HDAC9: variants seen among roughly 807,000 people sequenced by gnomAD.
The protein encoded by HDAC9 is histone deacetylase 9.
Under a neutral mutation model 139.4 loss-of-function variants are expected in HDAC9, and 41 were observed. The observed-to-expected ratio is 0.29, with a 90% CI of 0.23 to 0.38. The LOEUF (loss-of-function observed/expected upper bound fraction) is 0.38, where lower values mean the gene tolerates loss of function less well. HDAC9 is among the 10% of genes least tolerant of loss of function. HDAC9 has a pLI of 1.00. For missense variants in HDAC9, 1,147 were observed against 1,297.0 expected, an observed-to-expected ratio of 0.88 and a Z score of 1.78; for synonymous variants, 517 against 476.2, an observed-to-expected ratio of 1.09 and a Z score of -1.12.
At chr7:18,176,301 G>A (rs1432366400) in intron 2 of HDAC9, among the ~76,000 whole-genome samples, 7 of 152,084 alleles carry the variant, frequency 4.6e-5, no homozygotes, top group Admixed American at 1.3e-4. Context: ...CAGGAATGCC[G>A]TACAAATGGG....
intron 22 of HDAC9, among the ~76,000 whole-genome samples, chr7:18,906,233 CTCCCAGGCTCAAGTGAT>C (rs1490169416): frequency 1.3e-5 from 2 of 151,948 alleles, no homozygotes; most frequent in Non-Finnish European, 2.9e-5. Flanking sequence ...ACCTAGACGC[CTCCCAGGCTCAAGTGAT>C]TCTCCTGCCT....
At chr7:18,282,463 A>G (rs1049701967) in intron 2 of HDAC9, among the ~76,000 whole-genome samples, 6 of 152,280 alleles carry the variant, frequency 3.9e-5, no homozygotes, top group Non-Finnish European at 7.4e-5. Context: ...CTTAGGGGAA[A>G]TAGATGAGAG....
chr7:18,900,364 C>T (rs1014946372), intron 22 of HDAC9, among the ~76,000 whole-genome samples: 11 of 152,130 alleles, frequency 7.2e-5, no homozygotes, highest in Admixed American at 5.2e-4. Context: ...GCTGTGAAAA[C>T]GATGATTTAG....
At chr7:18,558,098 A>G (rs1451565837) in intron 2 of HDAC9, among the ~76,000 whole-genome samples, 1 of 152,166 alleles carries the variant, frequency 6.6e-6, no homozygotes, top group Non-Finnish European at 1.5e-5. Context: ...AGGGCTAATA[A>G]ACCAGTTATA....
chr7:18,323,928 T>C (rs1777280123), intron 1 of HDAC9, among the ~76,000 whole-genome samples: 1 of 145,162 alleles, frequency 6.9e-6, no homozygotes, highest in Non-Finnish European at 1.5e-5. Context: ...TGGCTTATGG[T>C]TGTTTTGTTT....
At chr7:18,224,404 T>C (rs891366785) in intron 2 of HDAC9, among the ~76,000 whole-genome samples, 1 of 152,194 alleles carries the variant, frequency 6.6e-6, no homozygotes, top group Non-Finnish European at 1.5e-5. Flanking sequence ...TTTAAAACCA[T>C]AGTGGTCCTT....
At chr7:18,381,744 C>A (rs1033482667) in intron 1 of HDAC9, among the ~76,000 whole-genome samples, 1 of 151,944 alleles carries the variant, frequency 6.6e-6, no homozygotes, top group African/African-American at 2.4e-5. Flanking sequence ...ACAGAGTAGA[C>A]AAATAGGTTG....
intron 1 of HDAC9, among the ~76,000 whole-genome samples, chr7:18,103,629 A>G (rs566204376): frequency 1.9e-4 from 29 of 152,164 alleles, no homozygotes; most frequent in South Asian, 4.1e-4. Flanking sequence ...AGCCAAAGCT[A>G]TATGCAGTAA....
At chr7:18,549,821 G>A (rs75572054) in intron 2 of HDAC9, among the ~76,000 whole-genome samples, 2,697 of 151,804 alleles carry the variant, frequency 0.018, 87 homozygotes, top group African/African-American at 0.061. Context: ...TTCTTATGGG[G>A]AAATGTTATT....
intron 2 of HDAC9, among the ~76,000 whole-genome samples, chr7:18,167,583 C>T (rs1348500474): frequency 1.3e-5 from 2 of 152,030 alleles, no homozygotes; most frequent in Non-Finnish European, 2.9e-5. Context: ...TACCCTTTGC[C>T]CCGGACAGCT....
rs530666786 is a variant in HDAC9 at position 18,302,300 on chromosome 7, G to T, written c.-42+11785G>T. Among the ~76,000 whole-genome samples, 4 of 152,320 alleles carry T rather than the reference G, an allele frequency of 2.6e-5. No individual in the cohort carries two copies. The South Asian group carries it at 8.3e-4, about 32-fold the overall frequency. On this transcript the variant is annotated intron_variant, in intron 1 of 3. Coordinates refer to the HDAC9 transcript ENST00000413509. ...TCTGAAGGGGACTTACTTGGCATAT[G>T]TAGTTTATATGCATCATCTCAGTCA...
chr7:18,718,575 T>C (rs983914188), intron 12 of HDAC9, among the ~76,000 whole-genome samples: 11 of 152,170 alleles, frequency 7.2e-5, no homozygotes, highest in African/African-American at 2.7e-4. Flanking sequence ...TTTTCAAGGT[T>C]CATCCATGTT....
intron 2 of HDAC9, among the ~76,000 whole-genome samples, chr7:18,197,402 G>A (rs1284106909): frequency 6.6e-6 from 1 of 152,124 alleles, no homozygotes; most frequent in Non-Finnish European, 1.5e-5. Context: ...AAATATATTT[G>A]GTTTTGATTT....
intron 1 of HDAC9, among the ~76,000 whole-genome samples, chr7:18,438,899 G>C (rs945726926): frequency 6.6e-6 from 1 of 151,954 alleles, no homozygotes; most frequent in African/African-American, 2.4e-5. Flanking sequence ...AATTATCTTT[G>C]CCTGCATTAC....
intron 1 of HDAC9, among the ~76,000 whole-genome samples, chr7:18,301,168 T>C (rs2128612873): frequency 6.6e-6 from 1 of 152,276 alleles, no homozygotes; most frequent in Middle Eastern, 3.4e-3. Context: ...TGAAATTATT[T>C]AAAAAATAAT....
intron 25 of HDAC9, among the ~76,000 whole-genome samples, chr7:18,980,071 T>C (rs1478812112): frequency 6.6e-6 from 1 of 152,170 alleles, no homozygotes; most frequent in Non-Finnish European, 1.5e-5. Context: ...TGGAAGCTCC[T>C]GGTAAAAAGA....
At chr7:18,852,317 A>AAAAG (rs1797359855) in intron 21 of HDAC9, among the ~76,000 whole-genome samples, 1 of 152,156 alleles carries the variant, frequency 6.6e-6, no homozygotes, top group Non-Finnish European at 1.5e-5. Flanking sequence ...AAGGACTCTT[A>AAAAG]ATCCAAGTCT....
At chr7:18,170,429 C>A (rs1788339016) in intron 2 of HDAC9, among the ~76,000 whole-genome samples, 1 of 152,134 alleles carries the variant, frequency 6.6e-6, no homozygotes, top group Admixed American at 6.6e-5. Flanking sequence ...TTTTGCTGTG[C>A]AGAAGCTCTT....
chr7:18,367,961 A>G (rs1784313685), intron 1 of HDAC9, among the ~76,000 whole-genome samples: 1 of 152,102 alleles, frequency 6.6e-6, no homozygotes, highest in South Asian at 2.1e-4. Context: ...ATACTTATTC[A>G]ACATAGTGTT....
Sources: gnomAD v4.1 joint callset for allele counts (sites outside exome capture counted in the v4.1 genomes callset) on GRCh38, gnomAD v4.1.1 for gene constraint, MANE v1.5 for transcripts, NCBI Gene and HGNC (gene_info 2026-07-23, HGNC 2026-07-21) for gene names.